SYNJ1: variants seen among roughly 807,000 people sequenced by gnomAD.
SYNJ1 encodes synaptojanin 1.
SYNJ1 carries 78 observed loss-of-function variants against 168.2 expected under a neutral mutation model. That is an observed-to-expected ratio of 0.46 (90% CI 0.39 to 0.56). The LOEUF (loss-of-function observed/expected upper bound fraction) is 0.56. Ranked by LOEUF, SYNJ1 falls within the 20% of genes least tolerant of loss-of-function variation. The probability of loss-of-function intolerance (pLI) is 0.00; values close to 1 mark genes in which losing one functional copy is unlikely to be tolerated. For synonymous variants in SYNJ1, 539 were observed against 548.6 expected, an observed-to-expected ratio of 0.98 and a Z score of 0.24; for missense variants, 1,303 against 1,597.6, an observed-to-expected ratio of 0.82 and a Z score of 3.14.
Position 32,695,054 on chromosome 21 carries a change from T to C in SYNJ1, c.705+3A>G. The C allele has an allele frequency of 1.2e-6, 2 of 1,613,680 alleles. No individual in the cohort carries two copies. Among genetic ancestry groups the C allele is most frequent in the Non-Finnish European group, 1.7e-6 (2 of 1,179,572 alleles). On this transcript the variant is annotated splice_donor_region_variant and intron_variant, in intron 5 of 32. Transcript: ENST00000674351. The stretch of plus-strand genomic sequence containing the variant: ...ATTAAGTAATATAAAACACTATATA[T>C]ACCTGTTCTGTTTCTACAAAATTGG...
At chr21:32,687,318 C>A (rs1273775179) in intron 7 of SYNJ1, among the ~76,000 whole-genome samples, 1 of 152,204 alleles carries the variant, frequency 6.6e-6, no homozygotes, top group African/African-American at 2.4e-5. Context: ...AGGCATCCAG[C>A]TTCTGCCCAC....
In SYNJ1 at chr21:32,726,920, G is replaced by A. The variant is rs2043482421; in HGVS notation, c.-22-3C>T. The A allele has an allele frequency of 5.6e-6, 9 of 1,613,784 alleles. No individual in the cohort carries two copies. The highest frequency in any genetic ancestry group is 6.8e-6 in the Non-Finnish European group (8 of 1,179,864). Reference sequence around the variant, plus strand: ...TTCTCCTTTCTTCGGAGGCAGCCCTGCGAAAACCAAGCAAAGCAAAGCAAA... The same window carrying A: ...TTCTCCTTTCTTCGGAGGCAGCCCTACGAAAACCAAGCAAAGCAAAGCAAA... On this transcript the variant is annotated splice_region_variant and splice_polypyrimidine_tract_variant and intron_variant, in intron 1 of 32. Transcript: ENST00000674351.
chr21:32,640,900 C>G (rs563638675), intron 29 of SYNJ1, among the ~76,000 whole-genome samples: 6 of 152,148 alleles, frequency 3.9e-5, no homozygotes, highest in Non-Finnish European at 8.8e-5. Flanking sequence ...CTTTTAAACT[C>G]ACAAAAATCC....
At chr21:32,693,395 T>C (rs556821845) in intron 6 of SYNJ1, among the ~76,000 whole-genome samples, 2 of 152,348 alleles carry the variant, frequency 1.3e-5, no homozygotes, top group African/African-American at 2.4e-5. Context: ...GTGTTAATCC[T>C]TGTTAACTCT....
At chr21:32,685,271 T>G (rs1208877701) in intron 9 of SYNJ1, among the ~76,000 whole-genome samples, 4 of 151,112 alleles carry the variant, frequency 2.6e-5, no homozygotes, top group Admixed American at 2.6e-4. Flanking sequence ...TGGTGAATTC[T>G]AAAGAAAGAA....
intron 17 of SYNJ1, 127 bp downstream of exon 17, chr21:32,665,816 A>C: frequency 3.0e-6 from 3 of 988,004 alleles, no homozygotes; most frequent in Non-Finnish European, 4.3e-6. Flanking sequence ...TGAAATATCT[A>C]TTTAGGTGAA....
chr21:32,698,448 G>A (rs1367824401), intron 4 of SYNJ1, among the ~76,000 whole-genome samples: 3 of 152,168 alleles, frequency 2.0e-5, no homozygotes, highest in Admixed American at 6.5e-5. Context: ...TACACAAGAG[G>A]AAACCATCTT....
In SYNJ1 at chr21:32,656,672, T is replaced by TAATAA. The variant is rs758976272; in HGVS notation, c.2795+10_2795+14dup. The TAATAA allele has an allele frequency of 6.3e-7, 1 of 1,597,382 alleles. No individual in the cohort carries two copies. Among genetic ancestry groups the TAATAA allele is most frequent in the Non-Finnish European group, 8.5e-7 (1 of 1,170,252 alleles). ...TTATGAATCACAAGCTACTTTTGCA[T>TAATAA]AATAAACATCTTACCTTATAAGTAT... is the stretch of plus-strand genomic sequence containing the variant. On this transcript the variant is annotated intron_variant, in intron 21 of 32. Coordinates refer to ENST00000674351, the MANE Select transcript of SYNJ1 (RefSeq NM_203446.3).
At chr21:32,722,230 A>G (rs2043269787) in intron 2 of SYNJ1, among the ~76,000 whole-genome samples, 1 of 144,228 alleles carries the variant, frequency 6.9e-6, no homozygotes, top group South Asian at 2.1e-4. Context: ...ATATATATAT[A>G]TAATGTATGC....
At chr21:32,651,601 A>T (rs992074643) in intron 22 of SYNJ1, among the ~76,000 whole-genome samples, 8 of 152,252 alleles carry the variant, frequency 5.3e-5, no homozygotes, top group African/African-American at 1.9e-4. Context: ...TCATCAAAAA[A>T]TACTAACAAG....
At chr21:32,713,338 T>C (rs1354562654) in intron 2 of SYNJ1, among the ~76,000 whole-genome samples, 2 of 145,006 alleles carry the variant, frequency 1.4e-5, no homozygotes, top group Admixed American at 6.8e-5. Context: ...ACATGGATGA[T>C]TTCCCATATG....
intron 21 of SYNJ1, among the ~76,000 whole-genome samples, chr21:32,654,857 C>A (rs1284733165): frequency 6.6e-6 from 1 of 152,174 alleles, no homozygotes; most frequent in Non-Finnish European, 1.5e-5. Context: ...AAGGGGTTCA[C>A]AGGGTTTACT....
chr21:32,673,248 T>C, intron 14 of SYNJ1, 92 bp downstream of exon 14: 1 of 1,129,164 alleles, frequency 8.9e-7, no homozygotes, highest in Non-Finnish European at 1.2e-6. Flanking sequence ...CTTTCATCAA[T>C]TAATGCATCC....
intron 2 of SYNJ1, among the ~76,000 whole-genome samples, chr21:32,711,688 C>T (rs570418798): frequency 4.6e-5 from 7 of 152,274 alleles, no homozygotes; most frequent in African/African-American, 1.7e-4. Flanking sequence ...TGTTGTATTA[C>T]AACCTCGTTT....
chr21:32,713,509 C>G (rs1182218846), intron 2 of SYNJ1, among the ~76,000 whole-genome samples: 2 of 137,390 alleles, frequency 1.5e-5, no homozygotes, highest in African/African-American at 5.5e-5. Flanking sequence ...TGGATGATTT[C>G]CCATATATCA....
At chr21:32,690,380 ATTTT>A (rs1261937537) in intron 6 of SYNJ1, among the ~76,000 whole-genome samples, 1 of 151,940 alleles carries the variant, frequency 6.6e-6, no homozygotes, top group African/African-American at 2.4e-5. Context: ...AATGATTTTT[ATTTT>A]TTTATTTTTT....
intron 6 of SYNJ1, among the ~76,000 whole-genome samples, chr21:32,692,441 G>T (rs2042059917): frequency 6.6e-6 from 1 of 152,112 alleles, no homozygotes; most frequent in Non-Finnish European, 1.5e-5. Flanking sequence ...GCCAAGTGTG[G>T]TGGCACGCGC....
intron 2 of SYNJ1, among the ~76,000 whole-genome samples, chr21:32,718,662 A>T (rs2043108435): frequency 6.9e-6 from 1 of 145,058 alleles, no homozygotes; most frequent in African/African-American, 2.5e-5. Context: ...TTTGGCAATT[A>T]AAAAAAAAAA....
At chr21:32,653,467 C>A in intron 21 of SYNJ1, 101 bp from the exon 22 acceptor site, 1 of 941,154 alleles carries the variant, frequency 1.1e-6, no homozygotes, top group South Asian at 1.6e-5. Context: ...CCACAAGAGG[C>A]CAGGAAGTAA....
Sources: allele counts gnomAD v4.1 joint callset (sites outside exome capture counted in the v4.1 genomes callset), GRCh38; gene constraint gnomAD v4.1.1; transcripts MANE v1.5; gene names NCBI Gene and HGNC (gene_info 2026-07-23, HGNC 2026-07-21).